The following SYBU variants were observed in gnomAD, a reference collection of about 807,000 sequenced individuals.
SYBU encodes GOLSYN A protein.
SYBU carries 21 observed loss-of-function variants against 35.9 expected under a neutral mutation model. The observed-to-expected ratio is 0.58, with a 90% CI of 0.41 to 0.84. The LOEUF (loss-of-function observed/expected upper bound fraction) is 0.84. SYBU is among the 40% of genes least tolerant of loss of function. SYBU has a pLI of 0.00. For missense variants in SYBU, 768 were observed against 848.2 expected, an observed-to-expected ratio of 0.91 and a Z score of 1.17; for synonymous variants, 319 against 324.3, an observed-to-expected ratio of 0.98 and a Z score of 0.18.
chr8:109,658,936 A>G (rs1018123684), intron 1 of SYBU, among the ~76,000 whole-genome samples: 2 of 151,728 alleles, frequency 1.3e-5, no homozygotes, highest in African/African-American at 4.8e-5. Flanking sequence ...AGCCTGGGAG[A>G]CAGAGCGAGA....
intron 1 of SYBU, among the ~76,000 whole-genome samples, chr8:109,651,081 C>T (rs910721530): frequency 5.9e-5 from 9 of 152,174 alleles, no homozygotes; most frequent in Non-Finnish European, 1.3e-4. Context: ...ACAGGGATCT[C>T]GGGCCTCCTT....
Position 109,691,444 on chromosome 8 carries a change from C to T in SYBU, c.-169G>A. On this transcript the variant is annotated 5_prime_UTR_variant, in exon 1 of 8. Transcript: ENST00000422135. This position sits in a 1 kb window ranked among gnomAD's most constrained non-coding sequence, Gnocchi z 4.7. The stretch of plus-strand genomic sequence containing the variant: ...TGCCGGTGCGGACGGGACCCCGCGT[C>T]GCTGCTGGTTTGCGCTCAGGCCCGG... The T allele has an allele frequency of 1.5e-6, 1 of 661,096 alleles. No individual in the cohort carries two copies. The highest frequency in any genetic ancestry group is 2.7e-6 in the Non-Finnish European group (1 of 367,864). 41.0% of individuals were successfully genotyped at this position (661,096 alleles called of 1,614,324 possible). A position where few individuals can be genotyped will look rare whatever the true frequency, so the allele number is the denominator to read the frequency against.
chr8:109,647,935 G>T (rs1815872919), upstream of SYBU: 1 of 152,152 alleles, frequency 6.6e-6, no homozygotes, highest in South Asian at 2.1e-4. Flanking sequence ...GTTCTAAAAG[G>T]CAAGTTTTAC....
intron 3 of SYBU, among the ~76,000 whole-genome samples, chr8:109,591,841 T>A (rs1824317298): frequency 6.6e-6 from 1 of 152,034 alleles, no homozygotes; most frequent in Non-Finnish European, 1.5e-5. Context: ...GGAAATTTTT[T>A]ATAATAAGAG....
chr8:109,645,793 T>C (rs531335443), upstream of SYBU: 1 of 175,234 alleles, frequency 5.7e-6, no homozygotes, highest in African/African-American at 2.4e-5. Context: ...GCGGATGCCA[T>C]TGCATGCGTG....
chr8:109,667,917 T>A (rs1480148302), intron 1 of SYBU, among the ~76,000 whole-genome samples: 1 of 152,194 alleles, frequency 6.6e-6, no homozygotes, highest in Non-Finnish European at 1.5e-5. Context: ...TATTAGCTTA[T>A]TTTAAAATGA....
At chr8:109,626,372 T>G (rs941757432) in intron 2 of SYBU, among the ~76,000 whole-genome samples, 1 of 152,230 alleles carries the variant, frequency 6.6e-6, no homozygotes, top group Non-Finnish European at 1.5e-5. Flanking sequence ...TCATTTAAAT[T>G]AAATCTATCT....
rs76634749 is a variant in SYBU at position 109,577,977 on chromosome 8, C to T, written c.775G>A (p.Val259Ile). The T allele has an allele frequency of 1.1e-5, 17 of 1,613,894 alleles. No homozygotes were observed. The African/African-American group carries it at 2.0e-4, about 19-fold the overall frequency. ...RYMSCGENHG[V>I]RPPNPEQYLT... ...TACTGCTCTGGGTTTGGGGGTCTGA[C>T]ACCATGATTTTCACCGCAAGACATG... The change falls in exon 6 of 7, where the codon GTC (valine) becomes ATC (isoleucine). Residue 259 changes from valine to isoleucine, a missense_variant. Physicochemically the swap from Val to Ile is conservative, Grantham distance 29 (BLOSUM62 3). Transcript: ENST00000276646.
At chr8:109,614,190 G>T (rs549272948) in intron 3 of SYBU, among the ~76,000 whole-genome samples, 1 of 152,058 alleles carries the variant, frequency 6.6e-6, no homozygotes, top group African/African-American at 2.4e-5. Flanking sequence ...CTAACCTTGT[G>T]GACAAAAAGA....
chr8:109,684,766 T>C (rs10091047), upstream of SYBU, among the ~76,000 whole-genome samples: 13,472 of 152,222 alleles, frequency 0.089, 678 homozygotes, highest in East Asian at 0.12. Context: ...TCTATTCTTT[T>C]CCCACTCTGT....
rs566837139 is a variant in SYBU, at chr8:109,574,956, C to G, written c.1942G>C (p.Val648Leu). The G allele has an allele frequency of 3.3e-6, 5 of 1,519,914 alleles. No homozygotes were observed. The highest frequency in any genetic ancestry group is 4.4e-6 in the Non-Finnish European group (5 of 1,134,998). The allele number at this position is 1,519,914 out of a possible 1,614,324, so 94.2% of individuals were successfully genotyped here. The change falls in exon 7 of 7, where the codon GTG (valine) becomes CTG (leucine). Residue 648 changes from valine (V) to leucine (L), a missense_variant. Physicochemically the swap from Val to Leu is conservative, Grantham distance 32. Transcript: ENST00000276646. Reference protein sequence around the residue: ...NIGALLRGCCVVALHSLRRTA... With the variant: ...NIGALLRGCCLVALHSLRRTA... ...CGGCGGAGCGAATGCAGGGCAACCACGCAACAGCCCCTGAGCAAGGCCCCG... is the reference window on the plus strand; with the variant it reads ...CGGCGGAGCGAATGCAGGGCAACCAGGCAACAGCCCCTGAGCAAGGCCCCG...
chr8:109,643,239 T>C, intron 1 of SYBU: 1 of 1,029,548 alleles, frequency 9.7e-7, no homozygotes, highest in Non-Finnish European at 1.2e-6. Flanking sequence ...TGACTCACCT[T>C]CCCACCCTGA....
chr8:109,634,633 C>A (rs1486590100), intron 2 of SYBU, among the ~76,000 whole-genome samples: 1 of 152,080 alleles, frequency 6.6e-6, no homozygotes, highest in East Asian at 1.9e-4. Flanking sequence ...AATCAGGTAA[C>A]CAAATAAGAA....
rs777278797 is a variant in SYBU at position 109,575,428 on chromosome 8, G to A, written c.1470C>T (p.Thr490=). The change falls in exon 7 of 7, where the codon ACC becomes ACT. Residue 490 remains threonine, a synonymous_variant. Transcript: ENST00000276646. Reference sequence around the variant, plus strand: ...TGGCTGGGCTGTAGGGCACCACGTCGGTCTGAACGGCTCGCTCCACCACCA... The same window carrying A: ...TGGCTGGGCTGTAGGGCACCACGTCAGTCTGAACGGCTCGCTCCACCACCA... ...GSVVVERAVQ[T]DVVPYSPAIS... 15 of 1,613,922 alleles carry A rather than the reference G, an allele frequency of 9.3e-6. No individual in the cohort carries two copies. The highest frequency in any genetic ancestry group is 1.3e-5 in the Non-Finnish European group (15 of 1,180,008).
chr8:109,633,770 G>T (rs543445785), intron 2 of SYBU, among the ~76,000 whole-genome samples: 3 of 152,214 alleles, frequency 2.0e-5, no homozygotes, highest in African/African-American at 7.2e-5. Context: ...GTCTTGCTCT[G>T]TCACCCAGGC....
chr8:109,641,511 T>C (rs1490120394), intron 2 of SYBU, among the ~76,000 whole-genome samples: 78 of 152,236 alleles, frequency 5.1e-4, no homozygotes, highest in Non-Finnish European at 2.5e-4. Context: ...TCACACAGTA[T>C]GTAAGTGGTG....
rs749762882 is a variant in SYBU, at chr8:109,691,427, C to A, written c.-152G>T. On this transcript the variant is annotated 5_prime_UTR_variant, in exon 1 of 8. Transcript: ENST00000422135. The surrounding 1 kb of genome is among the most constrained non-coding windows in gnomAD (Gnocchi z 4.7). ...GCCCCGGCTGGGCCGGGTGCCGGTG[C>A]GGACGGGACCCCGCGTCGCTGCTGG... The A allele has an allele frequency of 1.2e-4, 78 of 674,056 alleles. No homozygotes were observed. Among genetic ancestry groups the A allele is most frequent in the Non-Finnish European group, 1.9e-4 (70 of 373,430 alleles). The allele number at this position is 674,056 out of a possible 1,614,324, so 41.8% of individuals were successfully genotyped here.
At chr8:109,580,367 C>G (rs1822885421) in intron 4 of SYBU, 1 of 209,532 alleles carries the variant, frequency 4.8e-6, no homozygotes. Context: ...GGTTTTTGTT[C>G]TAGTCCACCT....
chr8:109,611,752 G>A (rs1031846237), intron 3 of SYBU, among the ~76,000 whole-genome samples: 3 of 152,082 alleles, frequency 2.0e-5, no homozygotes, highest in Admixed American at 6.5e-5. Flanking sequence ...AAACACTGAC[G>A]ACCTTAACAT....
Sources: allele counts gnomAD v4.1 joint callset (sites outside exome capture counted in the v4.1 genomes callset), GRCh38; gene constraint gnomAD v4.1.1; non-coding constraint Gnocchi (gnomAD v3.1); transcripts MANE v1.5; gene names NCBI Gene and HGNC (gene_info 2026-07-23, HGNC 2026-07-21).